The following ACVR2A variants were observed in gnomAD, a reference collection of about 807,000 sequenced individuals.
ACVR2A encodes the protein activin A receptor type 2A.
A neutral mutation model predicts 61.4 loss-of-function variants in ACVR2A; 7 were observed. That is an observed-to-expected ratio of 0.11 (90% CI 0.06 to 0.21). ACVR2A has a LOEUF of 0.21. Among genes scored for constraint, ACVR2A ranks in the 10% least tolerant of loss-of-function variants. The pLI, the probability that ACVR2A is intolerant of heterozygous loss-of-function variation, is 1.00. For missense variants in ACVR2A, 322 were observed against 621.7 expected (o/e 0.52, Z 5.13); for synonymous variants, 193 against 208.3 (o/e 0.93, Z 0.63).
intron 1 of ACVR2A, among the ~76,000 whole-genome samples, chr2:147,886,133 A>G (rs952919311): frequency 2.0e-5 from 3 of 152,162 alleles, no homozygotes; most frequent in Non-Finnish European, 4.4e-5. Flanking sequence ...ATTCTTTTGT[A>G]TAGTATTCTT....
chr2:147,915,428 C>A, intron 5 of ACVR2A, 94 bp downstream of exon 5: 1 of 1,458,702 alleles, frequency 6.9e-7, no homozygotes. Context: ...CCATATGTAC[C>A]AAGGTGGTTC....
intron 1 of ACVR2A, among the ~76,000 whole-genome samples, chr2:147,853,704 C>G (rs1685499626): frequency 6.6e-6 from 1 of 152,012 alleles, no homozygotes; most frequent in South Asian, 2.1e-4. Context: ...TGAATCAAGT[C>G]TTTACATATT....
At position 147,872,261 on chromosome 2, in the gene ACVR2A, G is replaced by A. The variant is rs896771457; in HGVS notation, c.56-24040G>A. 3.3e-5 allele frequency among the ~76,000 whole-genome samples: 5 copies of A among 151,928 alleles called. No individual in the cohort carries two copies. In the South Asian group the frequency reaches 6.2e-4, roughly 19 times the overall value. The stretch of plus-strand genomic sequence containing the variant: ...AAGCCCAATTAAAAGTAAGCCATGC[G>A]TTGATGCAAAAAGCTTATTATGTCT... On this transcript the variant is annotated intron_variant, in intron 1 of 10. Coordinates refer to ENST00000241416, the MANE Select transcript of ACVR2A (RefSeq NM_001616.5).
chr2:147,893,747 T>G (rs999508180), intron 1 of ACVR2A, among the ~76,000 whole-genome samples: 2 of 152,198 alleles, frequency 1.3e-5, no homozygotes, highest in Admixed American at 6.5e-5. Flanking sequence ...ATGATTGACT[T>G]GTAAGAGGCC....
intron 1 of ACVR2A, among the ~76,000 whole-genome samples, chr2:147,857,543 A>C (rs953505577): frequency 2.0e-5 from 3 of 151,524 alleles, no homozygotes; most frequent in South Asian, 2.1e-4. Flanking sequence ...AAAAAAAAAA[A>C]AAAAAAAACA....
At chr2:147,896,149 C>T (rs1331411177) in intron 1 of ACVR2A, 152 bp from the exon 2 acceptor site, 1 of 602,672 alleles carries the variant, frequency 1.7e-6, no homozygotes, top group Non-Finnish European at 2.9e-6. Context: ...ATTTAAAGTA[C>T]AGGGATTAAC....
chr2:147,847,579 A>G lies in ACVR2A; in HGVS notation c.55+2372A>G, dbSNP rs529743968. 2.0e-5 allele frequency among the ~76,000 whole-genome samples: 3 copies of G among 152,216 alleles called. No individual in the cohort carries two copies. The South Asian group carries it at 6.2e-4, about 32-fold the overall frequency. On this transcript the variant is annotated intron_variant, in intron 1 of 10. Transcript: ENST00000241416. ...CAGGTGTTTAGGAGGGATGTTTACT[A>G]TTTCGTGGACTCTGATTTTTCAGTT...
At chr2:147,903,561 G>A (rs1016779138) in intron 4 of ACVR2A, among the ~76,000 whole-genome samples, 2 of 151,722 alleles carry the variant, frequency 1.3e-5, no homozygotes, top group Non-Finnish European at 2.9e-5. Context: ...AATATGTGTG[G>A]GCTCTCAGTG....
intron 1 of ACVR2A, among the ~76,000 whole-genome samples, chr2:147,883,033 TATG>T (rs1297427348): frequency 3.2e-4 from 48 of 152,344 alleles, no homozygotes; most frequent in African/African-American, 1.0e-3. Context: ...GTGTGGACTT[TATG>T]ATAACTTTTG....
chr2:147,894,477 A>T (rs1686675014), intron 1 of ACVR2A, among the ~76,000 whole-genome samples: 1 of 151,366 alleles, frequency 6.6e-6, no homozygotes, highest in African/African-American at 2.4e-5. Context: ...CATTGAGTGG[A>T]TTTTTTTTTA....
chr2:147,927,037 A>C, intron 10 of ACVR2A, 43 bp from the exon 11 acceptor site: 1 of 1,566,144 alleles, frequency 6.4e-7, no homozygotes, highest in Non-Finnish European at 8.6e-7. Context: ...AATAGAAAAC[A>C]AAAACTGCTG....
intron 8 of ACVR2A, among the ~76,000 whole-genome samples, chr2:147,922,173 C>G (rs1558815120): frequency 6.6e-6 from 1 of 151,932 alleles, no homozygotes; most frequent in African/African-American, 2.4e-5. Flanking sequence ...TTAATGTGTT[C>G]TCCTTGAACT....
chr2:147,898,981 T>C (rs1686810221), intron 2 of ACVR2A, among the ~76,000 whole-genome samples: 1 of 152,136 alleles, frequency 6.6e-6, no homozygotes, highest in Non-Finnish European at 1.5e-5. Context: ...ATACGAGCTT[T>C]TATCACTTAG....
intron 4 of ACVR2A, among the ~76,000 whole-genome samples, chr2:147,907,432 G>A (rs971500464): frequency 6.6e-6 from 1 of 152,162 alleles, no homozygotes; most frequent in Admixed American, 6.5e-5. Flanking sequence ...TTCTACTATG[G>A]TTGAACTAAT....
At chr2:147,862,340 A>C (rs1685745954) in intron 1 of ACVR2A, among the ~76,000 whole-genome samples, 1 of 152,052 alleles carries the variant, frequency 6.6e-6, no homozygotes, top group Non-Finnish European at 1.5e-5. Context: ...GTAACTATAA[A>C]TCCACATGTT....
rs1239428655 is a variant in ACVR2A, at chr2:147,894,939, CAT to C, written c.56-1359_56-1358del. Among the ~76,000 whole-genome samples the C allele has an allele frequency of 3.3e-5, 5 of 152,096 alleles. No individual in the cohort carries two copies. The Middle Eastern group carries it at 0.01, about 310-fold the overall frequency. On this transcript the variant is annotated intron_variant, in intron 1 of 10. Coordinates refer to ENST00000241416, the MANE Select transcript of ACVR2A (RefSeq NM_001616.5). The stretch of plus-strand genomic sequence containing the variant: ...AGGGTCTTAATTGTGTCAGTCTACA[CAT>C]ATGTGGATTTTTTTCAATAAGTATG...
At chr2:147,919,822 A>G (rs1160552618) in intron 7 of ACVR2A, among the ~76,000 whole-genome samples, 1 of 152,182 alleles carries the variant, frequency 6.6e-6, no homozygotes, top group East Asian at 1.9e-4. Context: ...ACCAATAAGC[A>G]GAAGGCCCCA....
chr2:147,886,634 G>T (rs1573679029), intron 1 of ACVR2A, among the ~76,000 whole-genome samples: 1 of 152,174 alleles, frequency 6.6e-6, no homozygotes, highest in East Asian at 1.9e-4. Context: ...TCATCCACCT[G>T]TTTCAAAGAG....
chr2:147,900,421 CT>C (rs1686843064), intron 4 of ACVR2A: 1 of 152,442 alleles, frequency 6.6e-6, no homozygotes, highest in Admixed American at 6.5e-5. Context: ...GAAAAGTAAC[CT>C]TTCTTACCAT....
Sources: gnomAD v4.1 joint callset for allele counts (sites outside exome capture counted in the v4.1 genomes callset) on GRCh38, gnomAD v4.1.1 for gene constraint, MANE v1.5 for transcripts, NCBI Gene and HGNC (gene_info 2026-07-23, HGNC 2026-07-21) for gene names.